The following VAV3 variants were observed in gnomAD, a reference collection of about 807,000 sequenced individuals.
The protein encoded by VAV3 is vav guanine nucleotide exchange factor 3.
In VAV3, 94 loss-of-function variants were observed where a neutral mutation model predicts 131.2. The ratio of observed to expected loss-of-function variants is 0.72; its 90% CI spans 0.61 to 0.85. The LOEUF (loss-of-function observed/expected upper bound fraction) is 0.85. Ranked by LOEUF, VAV3 falls within the 40% of genes least tolerant of loss-of-function variation. The probability of loss-of-function intolerance (pLI) is 0.00; values close to 1 mark genes in which losing one functional copy is unlikely to be tolerated. For synonymous variants in VAV3, 349 were observed against 342.0 expected (o/e 1.02, Z -0.22); for missense variants, 939 against 1,002.7 (o/e 0.94, Z 0.86).
chr1:107,658,729 T>C (rs1656776765), intron 19 of VAV3, among the ~76,000 whole-genome samples: 2 of 152,238 alleles, frequency 1.3e-5, no homozygotes, highest in Admixed American at 1.3e-4. Flanking sequence ...ATGTGTTTTT[T>C]GGCTGCATAA....
chr1:107,604,234 C>T lies in VAV3; in HGVS notation c.2016-1071G>A, dbSNP rs563084014. ...ATCCTCTGATTCACATATAGACCCA[C>T]GTAACTTTGTATAAACATCCACCTG... On this transcript the variant is annotated intron_variant, in intron 22 of 26. Transcript: ENST00000370056. Among the ~76,000 whole-genome samples the T allele has an allele frequency of 4.6e-5, 7 of 152,192 alleles. No homozygotes were observed. The South Asian group carries it at 1.0e-3, about 23-fold the overall frequency.
chr1:107,770,674 C>T lies in VAV3; in HGVS notation c.610G>A (p.Glu204Lys), dbSNP rs1333800522. 1 of 1,612,264 alleles carries T rather than the reference C, an allele frequency of 6.2e-7. No individual in the cohort carries two copies. The highest frequency in any genetic ancestry group is 1.7e-5 in the Admixed American group (1 of 59,840). Residue 204 changes from glutamate (E) to lysine (K), a missense_variant, in exon 6 of 27, where the codon GAA becomes AAA. Coordinates refer to ENST00000370056, the MANE Select transcript of VAV3 (RefSeq NM_006113.5). Reference sequence around the variant, plus strand: ...TCCAAAGTTTCTGTATATTTTTCTTCTGTCTGCTTAATTTCTGCTAGACAA... The same window carrying T: ...TCCAAAGTTTCTGTATATTTTTCTTTTGTCTGCTTAATTTCTGCTAGACAA... ...SCCLAEIKQT[E>K]EKYTETLESI...
At chr1:107,880,104 A>G (rs1308805458) in intron 1 of VAV3, among the ~76,000 whole-genome samples, 1 of 152,248 alleles carries the variant, frequency 6.6e-6, no homozygotes, top group African/African-American at 2.4e-5. Flanking sequence ...CATACAGACA[A>G]GTGAGTCCAC....
At chr1:107,744,909 A>G (rs1173902533) in intron 15 of VAV3, among the ~76,000 whole-genome samples, 1 of 152,246 alleles carries the variant, frequency 6.6e-6, no homozygotes, top group Non-Finnish European at 1.5e-5. Flanking sequence ...AAACTTGTAC[A>G]CATTTGCTCA....
At chr1:107,622,916 G>A (rs1653716722) in intron 20 of VAV3, among the ~76,000 whole-genome samples, 3 of 152,160 alleles carry the variant, frequency 2.0e-5, no homozygotes, top group African/African-American at 4.8e-5. Flanking sequence ...AGGAAGGATG[G>A]ATGGAAAGAT....
chr1:107,582,640 C>T (rs1407794748), intron 25 of VAV3, among the ~76,000 whole-genome samples: 1 of 147,980 alleles, frequency 6.8e-6, no homozygotes, highest in African/African-American at 2.5e-5. Flanking sequence ...TCGATTCCCA[C>T]CTATGAGTGA....
chr1:107,750,999 T>C (rs1012318068), intron 13 of VAV3, 118 bp downstream of exon 13: 1 of 972,510 alleles, frequency 1.0e-6, no homozygotes. Context: ...GGTTGGTCTG[T>C]CTCCTTGTAT....
At chr1:107,724,259 C>A (rs1226830749) in intron 15 of VAV3, among the ~76,000 whole-genome samples, 1 of 151,844 alleles carries the variant, frequency 6.6e-6, no homozygotes, top group Non-Finnish European at 1.5e-5. Flanking sequence ...CTTCCCTCTA[C>A]CACTCCAAAT....
In VAV3 at chr1:107,785,469, C is replaced by T; in HGVS notation, c.322-5977G>A. The T allele has an allele frequency of 2.3e-6, 3 of 1,326,336 alleles. No homozygotes were observed. In the African/African-American group the frequency reaches 4.6e-5, roughly 20 times the overall value. The allele number at this position is 1,326,336 out of a possible 1,614,324, so 82.2% of individuals were successfully genotyped here. On this transcript the variant is annotated intron_variant, in intron 2 of 26. Coordinates refer to ENST00000370056, the MANE Select transcript of VAV3 (RefSeq NM_006113.5). Reference sequence around the variant, plus strand: ...GAAAGGGTACTTACAGGGAGGTGGGCTCTGCAAGGGCAATCAGGCAGCTGC... The same window carrying T: ...GAAAGGGTACTTACAGGGAGGTGGGTTCTGCAAGGGCAATCAGGCAGCTGC...
At chr1:107,791,509 T>C (rs918032644) in intron 2 of VAV3, among the ~76,000 whole-genome samples, 1 of 152,162 alleles carries the variant, frequency 6.6e-6, no homozygotes, top group African/African-American at 2.4e-5. Flanking sequence ...TAGGGCAAGA[T>C]AGACAACTGC....
intron 2 of VAV3, among the ~76,000 whole-genome samples, chr1:107,826,861 G>A (rs17020139): frequency 0.093 from 14,079 of 152,074 alleles, 829 homozygotes; most frequent in East Asian, 0.25. Flanking sequence ...ATGTCAGCCC[G>A]AGTCTATATT....
Position 107,733,222 on chromosome 1 carries a change from C to A in VAV3, c.1502+15746G>T, listed in dbSNP as rs185854625. 2.0e-5 allele frequency among the ~76,000 whole-genome samples: 3 copies of A among 152,242 alleles called. No homozygotes were observed. In the East Asian group the frequency reaches 5.8e-4, roughly 29 times the overall value. On this transcript the variant is annotated intron_variant, in intron 15 of 26. Coordinates refer to ENST00000370056, the MANE Select transcript of VAV3 (RefSeq NM_006113.5). Reference sequence around the variant, plus strand: ...ACAAAAAGGACATCCACACCAAAACCCCATTTGTAGGTCACCATCATCAAA... The same window carrying A: ...ACAAAAAGGACATCCACACCAAAACACCATTTGTAGGTCACCATCATCAAA...
chr1:107,852,963 G>A (rs1252250096), intron 2 of VAV3, among the ~76,000 whole-genome samples: 1 of 151,520 alleles, frequency 6.6e-6, no homozygotes, highest in African/African-American at 2.4e-5. Context: ...GAAAAGATTT[G>A]CCTATCTAAT....
chr1:107,614,225 C>T (rs1652968745), intron 21 of VAV3, among the ~76,000 whole-genome samples: 1 of 151,954 alleles, frequency 6.6e-6, no homozygotes, highest in Non-Finnish European at 1.5e-5. Context: ...ATGAAGTTGA[C>T]CCATTTATGA....
chr1:107,759,428 C>G (rs1282146424), intron 10 of VAV3, among the ~76,000 whole-genome samples: 1 of 152,130 alleles, frequency 6.6e-6, no homozygotes, highest in Non-Finnish European at 1.5e-5. Flanking sequence ...TTCAAATCAT[C>G]AAGCATTTCA....
intron 15 of VAV3, among the ~76,000 whole-genome samples, chr1:107,717,551 A>G (rs1661185717): frequency 6.6e-6 from 1 of 152,094 alleles, no homozygotes; most frequent in South Asian, 2.1e-4. Flanking sequence ...TGCGGTTTTG[A>G]GTGAGTTTCT....
At chr1:107,632,228 A>G (rs1654557199) in intron 20 of VAV3, among the ~76,000 whole-genome samples, 1 of 152,124 alleles carries the variant, frequency 6.6e-6, no homozygotes, top group Non-Finnish European at 1.5e-5. Context: ...CTCACATTAG[A>G]TTCATCTGGG....
At chr1:107,925,619 T>C (rs765071881) in intron 1 of VAV3, among the ~76,000 whole-genome samples, 1 of 152,186 alleles carries the variant, frequency 6.6e-6, no homozygotes, top group Non-Finnish European at 1.5e-5. Context: ...ATGAGGTATC[T>C]AGTGTAGTCA....
At chr1:107,927,566 G>A (rs1314496735) in intron 1 of VAV3, among the ~76,000 whole-genome samples, 1 of 152,112 alleles carries the variant, frequency 6.6e-6, no homozygotes, top group Non-Finnish European at 1.5e-5. Context: ...TGTAAGGGGA[G>A]TCCCAGGTCA....
Sources: allele counts gnomAD v4.1 joint callset (sites outside exome capture counted in the v4.1 genomes callset), GRCh38; gene constraint gnomAD v4.1.1; transcripts MANE v1.5; gene names NCBI Gene and HGNC (gene_info 2026-07-23, HGNC 2026-07-21).